GTF2E2: variants seen among roughly 807,000 people sequenced by gnomAD.
GTF2E2 encodes the protein transcription initiation factor IIE subunit beta.
GTF2E2 carries 21 observed loss-of-function variants against 40.5 expected under a neutral mutation model. That is an observed-to-expected ratio of 0.52 (90% CI 0.37 to 0.75). GTF2E2 has a LOEUF of 0.75. GTF2E2 is among the 30% of genes least tolerant of loss of function. The pLI, the probability that GTF2E2 is intolerant of heterozygous loss-of-function variation, is 0.00. For synonymous variants in GTF2E2, 117 were observed against 121.6 expected, an observed-to-expected ratio of 0.96 and a Z score of 0.25; for missense variants, 298 against 338.4, an observed-to-expected ratio of 0.88 and a Z score of 0.94.
At position 30,620,922 on chromosome 8, in the gene GTF2E2, A is replaced by G. The variant is rs559067313; in HGVS notation, c.259-6207T>C. Among the ~76,000 whole-genome samples the G allele has an allele frequency of 4.6e-5, 7 of 151,516 alleles. No individual in the cohort carries two copies. The East Asian group carries it at 1.4e-3, about 29-fold the overall frequency. On this transcript the variant is annotated intron_variant, in intron 3 of 7. Coordinates refer to ENST00000355904, the MANE Select transcript of GTF2E2 (RefSeq NM_002095.6). Reference sequence around the variant, plus strand: ...CCAGCCTGGGAAACAGAGTGATATTACATCTTGGAAAAAAAAAAAAATGAG... The same window carrying G: ...CCAGCCTGGGAAACAGAGTGATATTGCATCTTGGAAAAAAAAAAAAATGAG...
chr8:30,637,044 TAAG>T (rs746825241), intron 2 of GTF2E2: 4 of 402,818 alleles, frequency 9.9e-6, no homozygotes, highest in Non-Finnish European at 1.9e-5. Flanking sequence ...AAATCCAACT[TAAG>T]AAGTATTACT....
At chr8:30,626,796 G>A (rs970024005) in intron 3 of GTF2E2, among the ~76,000 whole-genome samples, 1 of 152,216 alleles carries the variant, frequency 6.6e-6, no homozygotes, top group Non-Finnish European at 1.5e-5. Flanking sequence ...AACTTCACTA[G>A]GTTAGTAATC....
At position 30,635,119 on chromosome 8, in the gene GTF2E2, A is replaced by G. The variant is rs1218805832; in HGVS notation, c.171T>C (p.His57=). ...GSSGSKQNSD[H]SNGSFNLKAL... The stretch of plus-strand genomic sequence containing the variant: ...CTTTCAAGTTAAATGATCCATTGCT[A>G]TGATCTGCAAATGAAGTTCAAAATA... The change falls in exon 3 of 8, where the codon CAT becomes CAC. Residue 57 remains histidine, a synonymous_variant. Coordinates refer to ENST00000355904, the MANE Select transcript of GTF2E2 (RefSeq NM_002095.6). 2 of 1,573,054 alleles carry G rather than the reference A, an allele frequency of 1.3e-6. No homozygotes were observed. The highest frequency in any genetic ancestry group is 1.7e-6 in the Non-Finnish European group (2 of 1,144,730).
intron 2 of GTF2E2, among the ~76,000 whole-genome samples, chr8:30,651,171 T>G (rs886870836): frequency 1.3e-5 from 2 of 152,148 alleles, no homozygotes; most frequent in African/African-American, 4.8e-5. Context: ...TAGCTACTTT[T>G]ACTATTCAAT....
At chr8:30,609,573 G>A (rs1283448557) in intron 5 of GTF2E2, among the ~76,000 whole-genome samples, 1 of 152,096 alleles carries the variant, frequency 6.6e-6, no homozygotes, top group East Asian at 1.9e-4. Context: ...ACTACCCAAA[G>A]TTACCTATTC....
chr8:30,607,202 CAA>C (rs375698365), intron 5 of GTF2E2, 52 bp from the exon 6 acceptor site: 2,191 of 472,802 alleles, frequency 4.6e-3, no homozygotes, highest in South Asian at 0.011. Flanking sequence ...ATTACCTCAC[CAA>C]AAAAAAAAAA....
rs114889473 is a variant in GTF2E2, at chr8:30,614,317, T to C, written c.366+291A>G. ...ATTCTAGGCAAGGCGCAGTGGCTCA[T>C]GCCTATAACCCCAGCACTCTGGGAG... On this transcript the variant is annotated intron_variant, in intron 4 of 7. Coordinates refer to ENST00000355904, the MANE Select transcript of GTF2E2 (RefSeq NM_002095.6). Among the ~76,000 whole-genome samples, 501 of 152,292 alleles carry C rather than the reference T, an allele frequency of 3.3e-3. 4 individuals are homozygous for C. Among genetic ancestry groups the C allele is most frequent in the African/African-American group, 0.012 (493 of 41,582 alleles).
intron 3 of GTF2E2, among the ~76,000 whole-genome samples, chr8:30,622,026 A>G (rs1401242410): frequency 6.6e-6 from 1 of 151,580 alleles, no homozygotes; most frequent in Admixed American, 6.6e-5. Flanking sequence ...CACAACCTGC[A>G]GGTTTGTTAC....
intron 6 of GTF2E2, among the ~76,000 whole-genome samples, chr8:30,590,253 T>C (rs982286219): frequency 6.6e-6 from 1 of 152,226 alleles, no homozygotes; most frequent in East Asian, 1.9e-4. Flanking sequence ...TCCATGTTGT[T>C]GGAATGTCAG....
chr8:30,617,766 A>G (rs1353288218), intron 3 of GTF2E2, among the ~76,000 whole-genome samples: 1 of 151,444 alleles, frequency 6.6e-6, no homozygotes, highest in Non-Finnish European at 1.5e-5. Context: ...AAAAAAAAAA[A>G]GCTAGGTAAA....
chr8:30,627,630 A>G (rs1480339960), intron 3 of GTF2E2, among the ~76,000 whole-genome samples: 4 of 152,112 alleles, frequency 2.6e-5, no homozygotes, highest in Non-Finnish European at 4.4e-5. Context: ...GGAGTTTAAG[A>G]CCAGCCTGGC....
chr8:30,625,601 C>T (rs1249301767), intron 3 of GTF2E2, among the ~76,000 whole-genome samples: 3 of 151,998 alleles, frequency 2.0e-5, no homozygotes, highest in Non-Finnish European at 2.9e-5. Context: ...TTGCTGAGGG[C>T]ACTGTCTGTT....
chr8:30,648,121 G>A (rs1283872887), intron 2 of GTF2E2, among the ~76,000 whole-genome samples: 1 of 152,136 alleles, frequency 6.6e-6, no homozygotes, highest in African/African-American at 2.4e-5. Flanking sequence ...AGGGTAGGAG[G>A]TAAGAAAGAA....
chr8:30,598,890 G>A (rs929503568), intron 6 of GTF2E2, among the ~76,000 whole-genome samples: 1 of 152,218 alleles, frequency 6.6e-6, no homozygotes, highest in African/African-American at 2.4e-5. Context: ...TGGGCATGGT[G>A]GCTCACACCA....
At chr8:30,621,116 G>A (rs1297101978) in intron 3 of GTF2E2, among the ~76,000 whole-genome samples, 4 of 151,806 alleles carry the variant, frequency 2.6e-5, no homozygotes, top group Non-Finnish European at 4.4e-5. Flanking sequence ...TATTAAATTT[G>A]ATCTATTTTC....
At chr8:30,645,475 T>C in intron 2 of GTF2E2, 4 of 1,535,688 alleles carry the variant, frequency 2.6e-6, no homozygotes, top group Non-Finnish European at 3.5e-6. Context: ...GGCTTTCCTT[T>C]ATGAAGTGCT....
At chr8:30,584,069 G>C (rs1200147852) in intron 6 of GTF2E2, among the ~76,000 whole-genome samples, 4 of 152,128 alleles carry the variant, frequency 2.6e-5, no homozygotes, top group Middle Eastern at 3.2e-3. Flanking sequence ...GCCTCCCAAA[G>C]TGCTGGGATT....
chr8:30,625,667 C>T (rs552886712), intron 3 of GTF2E2, among the ~76,000 whole-genome samples: 14 of 152,216 alleles, frequency 9.2e-5, no homozygotes, highest in South Asian at 6.2e-4. Context: ...GGCACGATCT[C>T]GGCTCACTGC....
intron 3 of GTF2E2, among the ~76,000 whole-genome samples, chr8:30,617,861 G>C (rs759735416): frequency 3.3e-5 from 5 of 152,068 alleles, no homozygotes; most frequent in Non-Finnish European, 5.9e-5. Context: ...TGATTAACTA[G>C]AATACGGGGA....
Sources: allele counts gnomAD v4.1 joint callset (sites outside exome capture counted in the v4.1 genomes callset), GRCh38; gene constraint gnomAD v4.1.1; transcripts MANE v1.5; gene names NCBI Gene and HGNC (gene_info 2026-07-23, HGNC 2026-07-21).